Variants in MKLN1 observed in about 807,000 individuals in gnomAD.
MKLN1 encodes muskelin.
A neutral mutation model predicts 99.0 loss-of-function variants in MKLN1; 18 were observed. That is an observed-to-expected ratio of 0.18 (90% CI 0.13 to 0.27). The LOEUF is 0.27. Ranked by LOEUF, MKLN1 falls within the 10% of genes least tolerant of loss-of-function variation. The probability of loss-of-function intolerance (pLI) is 1.00; values close to 1 mark genes in which losing one functional copy is unlikely to be tolerated. For synonymous variants in MKLN1, 288 were observed against 293.2 expected (o/e 0.98, Z 0.18); for missense variants, 621 against 875.9 (o/e 0.71, Z 3.67).
At chr7:131,174,059 G>A (rs1276478245) in intron 2 of MKLN1, among the ~76,000 whole-genome samples, 1 of 143,250 alleles carries the variant, frequency 7.0e-6, no homozygotes, top group Non-Finnish European at 1.5e-5. Context: ...TGCAAGCTCT[G>A]CCTCCCGGGT....
rs116886038 is a variant in MKLN1, at chr7:131,301,769, C to T, written c.-178-73655C>T. Among the ~76,000 whole-genome samples, 5 of 152,224 alleles carry T rather than the reference C, an allele frequency of 3.3e-5. No individual in the cohort carries two copies. In the East Asian group the frequency reaches 9.7e-4, roughly 29 times the overall value. ...GATTTGCTATCACCAGGCTCTCCTA[C>T]CTCTGTCATTCCCCAGTTCTCTCTA... On this transcript the variant is annotated intron_variant, in intron 3 of 7. Coordinates refer to the MKLN1 transcript ENST00000416992.
At position 131,183,120 on chromosome 7, in the gene MKLN1, G is replaced by C. The variant is rs79882851; in HGVS notation, c.-296-19737G>C. 6.8e-3 allele frequency among the ~76,000 whole-genome samples: 1,040 copies of C among 152,326 alleles called. 24 individuals carry two copies. The highest frequency in any genetic ancestry group is 0.036 in the East Asian group (185 of 5,192). On this transcript the variant is annotated intron_variant, in intron 2 of 7. Transcript: ENST00000416992. ...CCTCAAAGGAGCTGAATGTAAAGGA[G>C]AAAGGGGAAGACAATATCTTATCAT...
intron 4 of MKLN1, among the ~76,000 whole-genome samples, chr7:131,394,044 C>T (rs1464250160): frequency 1.3e-5 from 2 of 151,910 alleles, no homozygotes; most frequent in Non-Finnish European, 2.9e-5. Flanking sequence ...TATTCTGACT[C>T]TTATACTACT....
intron 2 of MKLN1, among the ~76,000 whole-genome samples, chr7:131,193,245 C>T (rs1897907): frequency 0.28 from 42,715 of 151,254 alleles, 6,461 homozygotes; most frequent in African/African-American, 0.41. Context: ...GATCAGTTTG[C>T]TTGTTTTTTT....
intron 1 of MKLN1, among the ~76,000 whole-genome samples, chr7:131,349,865 T>G (rs2116758742): frequency 6.6e-6 from 1 of 152,322 alleles, no homozygotes; most frequent in South Asian, 2.1e-4. Context: ...TTTATTTTGT[T>G]GCCATTCTTT....
intron 12 of MKLN1, among the ~76,000 whole-genome samples, chr7:131,458,572 T>A (rs2116586611): frequency 6.6e-6 from 1 of 152,156 alleles, no homozygotes; most frequent in East Asian, 1.9e-4. Flanking sequence ...GGCTCAAGAG[T>A]TAATGGATCT....
At chr7:131,264,379 T>G (rs1298200272) in intron 3 of MKLN1, among the ~76,000 whole-genome samples, 2 of 152,196 alleles carry the variant, frequency 1.3e-5, no homozygotes, top group African/African-American at 2.4e-5. Context: ...TCATTTAAAT[T>G]TAGAGTAAGG....
chr7:131,153,033 A>ATT lies in MKLN1; in HGVS notation c.-297+10105_-297+10106dup, dbSNP rs1220395745. ...TAATCAGATTCATATATATATATAT[A>ATT]TTTTTTTTTTTTTTGGCAAGACTGC... On this transcript the variant is annotated intron_variant, in intron 2 of 7. Transcript: ENST00000416992. 1.3e-3 allele frequency among the ~76,000 whole-genome samples: 182 copies of ATT among 138,262 alleles called. 2 individuals carry two copies. The highest frequency in any genetic ancestry group is 4.4e-3 in the African/African-American group (163 of 36,800). 90.7% of individuals were successfully genotyped at this position (138,262 alleles called of 152,430 possible).
At chr7:131,212,244 C>G (rs530362343) in intron 3 of MKLN1, among the ~76,000 whole-genome samples, 2 of 152,346 alleles carry the variant, frequency 1.3e-5, no homozygotes, top group East Asian at 3.9e-4. Context: ...TCCTCCAAGG[C>G]AAACTTGAAC....
chr7:131,469,059 T>TGCTTCTTTCTCCATCTGCTTGTCCTGTCC (rs1796744283), intron 15 of MKLN1, among the ~76,000 whole-genome samples: 1 of 152,152 alleles, frequency 6.6e-6, no homozygotes, highest in Non-Finnish European at 1.5e-5. Context: ...TACCTCTGTC[T>TGCTTCTTTCTCCATCTGCTTGTCCTGTCC]GCTTCTTTCT....
chr7:131,259,629 CT>C (rs1427489142), intron 3 of MKLN1, among the ~76,000 whole-genome samples: 2 of 152,124 alleles, frequency 1.3e-5, no homozygotes, highest in Admixed American at 6.5e-5. Flanking sequence ...AAATACTCAT[CT>C]ACATTAAAAA....
Position 131,494,258 on chromosome 7 carries a change from A to C in MKLN1, c.*6530A>C, listed in dbSNP as rs917136580. On this transcript the variant is annotated 3_prime_UTR_variant, in exon 18 of 18. Transcript: ENST00000352689. ...TTGGTTTTTTATTTAGGTTTCCTCC[A>C]CATCTGTAAAGTGATTGATTAAATT... 7.9e-5 allele frequency: 12 copies of C among 152,178 alleles called. No homozygotes were observed. The highest frequency in any genetic ancestry group is 1.5e-5 in the Non-Finnish European group (1 of 68,030). 9.4% of individuals were successfully genotyped at this position (152,178 alleles called of 1,614,324 possible). A position where few individuals can be genotyped will look rare whatever the true frequency, so the allele number is the denominator to read the frequency against.
At chr7:131,382,387 T>G (rs1350355877) in intron 2 of MKLN1, among the ~76,000 whole-genome samples, 1 of 152,030 alleles carries the variant, frequency 6.6e-6, no homozygotes, top group East Asian at 1.9e-4. Context: ...AAAACAAAAT[T>G]AATATACAAG....
intron 2 of MKLN1, among the ~76,000 whole-genome samples, chr7:131,161,915 A>G (rs1408493755): frequency 6.7e-6 from 1 of 148,958 alleles, no homozygotes; most frequent in African/African-American, 2.5e-5. Context: ...CTATTTTAAT[A>G]GTATGTTATA....
intron 6 of MKLN1, among the ~76,000 whole-genome samples, chr7:131,404,352 T>C (rs777739763): frequency 2.6e-5 from 4 of 152,146 alleles, no homozygotes; most frequent in Non-Finnish European, 5.9e-5. Context: ...TGGCAGGGTC[T>C]CTCTTTGTCA....
intron 2 of MKLN1, among the ~76,000 whole-genome samples, chr7:131,163,420 A>G (rs566651685): frequency 2.6e-5 from 4 of 152,352 alleles, no homozygotes; most frequent in South Asian, 2.1e-4. Context: ...CTACGATTCT[A>G]TCACAATTGA....
intron 3 of MKLN1, among the ~76,000 whole-genome samples, chr7:131,238,696 CA>C (rs1225981502): frequency 6.6e-6 from 1 of 152,250 alleles, no homozygotes; most frequent in Non-Finnish European, 1.5e-5. Context: ...ATCTGACATT[CA>C]CCATGGGTGT....
chr7:131,483,614 A>G (rs1435108142), intron 17 of MKLN1, among the ~76,000 whole-genome samples: 2 of 152,170 alleles, frequency 1.3e-5, no homozygotes, highest in Non-Finnish European at 2.9e-5. Context: ...ATTTTTCCCC[A>G]TAAGGCCTTT....
At chr7:131,404,298 A>T (rs1193096759) in intron 6 of MKLN1, among the ~76,000 whole-genome samples, 1 of 152,176 alleles carries the variant, frequency 6.6e-6, no homozygotes, top group Non-Finnish European at 1.5e-5. Context: ...AGTGAAGGCA[A>T]CTGGACCTGA....
Sources: allele counts gnomAD v4.1 joint callset (sites outside exome capture counted in the v4.1 genomes callset), GRCh38; gene constraint gnomAD v4.1.1; transcripts MANE v1.5; gene names NCBI Gene and HGNC (gene_info 2026-07-23, HGNC 2026-07-21).